Variants in GLYATL3 observed in about 807,000 individuals in gnomAD.
The protein encoded by GLYATL3 is glycine-N-acyltransferase like 3.
A neutral mutation model predicts 28.5 loss-of-function variants in GLYATL3; 31 were observed. The observed-to-expected ratio is 1.09, with a 90% CI of 0.82 to 1.47. The LOEUF is 1.47. Among genes scored for constraint, GLYATL3 ranks in the 40% most tolerant of loss-of-function variants. The pLI is 0.00. For synonymous variants in GLYATL3, 141 were observed against 140.2 expected, an observed-to-expected ratio of 1.01 and a Z score of -0.04; for missense variants, 369 against 351.5, an observed-to-expected ratio of 1.05 and a Z score of -0.40.
intron 1 of GLYATL3, among the ~76,000 whole-genome samples, chr6:49,504,226 CTTTTTTTCTTTTTCT>C (rs1768968112): frequency 9.7e-6 from 1 of 103,006 alleles, no homozygotes; most frequent in African/African-American, 3.3e-5. Context: ...TTTTTCTTTT[CTTTTTTTCTTTTTCT>C]TTTTTTTTTT....
At chr6:49,507,862 TAA>T (rs1487581110) in intron 1 of GLYATL3, among the ~76,000 whole-genome samples, 1 of 152,146 alleles carries the variant, frequency 6.6e-6, no homozygotes, top group African/African-American at 2.4e-5. Context: ...CATTTCTTAT[TAA>T]GTTTAGTGAG....
chr6:49,515,511 GTGTC>G, intron 2 of GLYATL3, 138 bp from the exon 3 acceptor site: 1 of 503,942 alleles, frequency 2.0e-6, no homozygotes, highest in Non-Finnish European at 3.6e-6. Flanking sequence ...TGTCTATTAT[GTGTC>G]TGAATGTATG....
chr6:49,519,483 T>C lies in GLYATL3; in HGVS notation c.313+1927T>C, dbSNP rs149328447. Among the ~76,000 whole-genome samples, 42 of 152,358 alleles carry C rather than the reference T, an allele frequency of 2.8e-4. No homozygotes were observed. The East Asian group carries it at 6.8e-3, about 24-fold the overall frequency. On this transcript the variant is annotated intron_variant, in intron 4 of 5. Transcript: ENST00000371197. ...AATAGCTGTAATGTTCTTGGAATAC[T>C]GAATACCTTCTAAGAAGTCATTGGT...
chr6:49,505,562 T>C (rs1324375241), intron 1 of GLYATL3, among the ~76,000 whole-genome samples: 1 of 152,234 alleles, frequency 6.6e-6, no homozygotes, highest in Non-Finnish European at 1.5e-5. Flanking sequence ...ATCCAGGAAG[T>C]ATTTCCTAGA....
chr6:49,519,909 C>T (rs916401015), intron 4 of GLYATL3, among the ~76,000 whole-genome samples: 3 of 152,122 alleles, frequency 2.0e-5, no homozygotes, highest in Non-Finnish European at 2.9e-5. Flanking sequence ...GTTGCACTGA[C>T]GTGAAAAAGA....
At position 49,526,590 on chromosome 6, in the gene GLYATL3, C is replaced by T. The variant is rs2127241930; in HGVS notation, c.543C>T (p.Ile181=). Residue 181 remains isoleucine (I), a synonymous_variant, in exon 6 of 6, where the codon ATC becomes ATT. Coordinates refer to ENST00000371197, the MANE Select transcript of GLYATL3 (RefSeq NM_001010904.2). ...RGGNEQCLRY[I]ANLISCFPSV... ...GCAATGAACAATGTCTCCGGTACATCGCCAACCTCATCTCCTGCTTCCCTA... is the reference window on the plus strand; with the variant it reads ...GCAATGAACAATGTCTCCGGTACATTGCCAACCTCATCTCCTGCTTCCCTA... 3 of 1,551,936 alleles carry T rather than the reference C, an allele frequency of 1.9e-6. No homozygotes were observed. The highest frequency in any genetic ancestry group is 2.4e-5 in the East Asian group (1 of 40,912).
intron 5 of GLYATL3, among the ~76,000 whole-genome samples, chr6:49,525,366 G>C (rs915734591): frequency 1.3e-5 from 2 of 151,690 alleles, no homozygotes; most frequent in African/African-American, 2.4e-5. Context: ...AGCAGTTGGA[G>C]GCCAGCCTAG....
intron 1 of GLYATL3, among the ~76,000 whole-genome samples, chr6:49,507,842 A>G (rs1056472169): frequency 1.3e-5 from 2 of 152,204 alleles, no homozygotes; most frequent in African/African-American, 4.8e-5. Flanking sequence ...CAATGCACTG[A>G]ATATACCAGC....
intron 1 of GLYATL3, among the ~76,000 whole-genome samples, chr6:49,511,061 A>G (rs1466996092): frequency 6.6e-6 from 1 of 152,180 alleles, no homozygotes; most frequent in African/African-American, 2.4e-5. Context: ...ACAACCCCAG[A>G]GGCACCATGT....
At chr6:49,509,192 T>G (rs1459365306) in intron 1 of GLYATL3, among the ~76,000 whole-genome samples, 2 of 152,142 alleles carry the variant, frequency 1.3e-5, no homozygotes, top group Non-Finnish European at 2.9e-5. Context: ...CAAGTACAAT[T>G]GATTCTCATT....
At chr6:49,512,649 TA>T (rs1283591928) in intron 2 of GLYATL3, among the ~76,000 whole-genome samples, 1 of 152,238 alleles carries the variant, frequency 6.6e-6, no homozygotes, top group Non-Finnish European at 1.5e-5. Flanking sequence ...GATCTTGTTA[TA>T]AATGCAGTGA....
At chr6:49,502,305 G>T (rs1187309403) in intron 1 of GLYATL3, among the ~76,000 whole-genome samples, 1 of 152,156 alleles carries the variant, frequency 6.6e-6, no homozygotes, top group African/African-American at 2.4e-5. Flanking sequence ...ATTGAATGGG[G>T]TTGAGATTAG....
intron 1 of GLYATL3, among the ~76,000 whole-genome samples, chr6:49,506,595 T>C (rs1195764301): frequency 2.0e-5 from 3 of 152,170 alleles, no homozygotes; most frequent in Non-Finnish European, 2.9e-5. Flanking sequence ...TACCAGATTG[T>C]AATGCCCCCA....
At chr6:49,501,575 A>G (rs1310376300) in intron 1 of GLYATL3, among the ~76,000 whole-genome samples, 5 of 152,224 alleles carry the variant, frequency 3.3e-5, no homozygotes, top group Admixed American at 2.0e-4. Context: ...AATTTACAAT[A>G]TAGTGTGTGC....
chr6:49,522,651 T>G (rs1011617497), intron 5 of GLYATL3, among the ~76,000 whole-genome samples: 1 of 152,150 alleles, frequency 6.6e-6, no homozygotes, highest in East Asian at 1.9e-4. Flanking sequence ...TGAAGCAAGA[T>G]AGTTAAAAAT....
rs140094889 is a variant in GLYATL3 at position 49,516,476 on chromosome 6, C to T, written c.186+716C>T. Among the ~76,000 whole-genome samples, 1,099 of 152,074 alleles carry T rather than the reference C, an allele frequency of 7.2e-3. 17 individuals are homozygous for T. Among genetic ancestry groups the T allele is most frequent in the African/African-American group, 0.025 (1,042 of 41,468 alleles). ...AGAAGAGTGAAGACAACATCTGCCC[C>T]GAGACCAAGGAGAAGCTCATGTGGC... On this transcript the variant is annotated intron_variant, in intron 3 of 5. Transcript: ENST00000371197.
In GLYATL3 at chr6:49,527,632, T is replaced by C. The variant is rs1489596611; in HGVS notation, c.*718T>C. 6.6e-6 allele frequency among the ~76,000 whole-genome samples: 1 copy of C among 152,198 alleles called. No individual in the cohort carries two copies. The highest frequency in any genetic ancestry group is 1.5e-5 in the Non-Finnish European group (1 of 68,040). ...CCACTGCTTATTTGCCTTGGATGAA[T>C]GACAATATGGGCATTTTGATGCTAT... is the stretch of plus-strand genomic sequence containing the variant. On this transcript the variant is annotated 3_prime_UTR_variant, in exon 6 of 6. Coordinates refer to ENST00000371197, the MANE Select transcript of GLYATL3 (RefSeq NM_001010904.2).
intron 5 of GLYATL3, 29 bp downstream of exon 5, chr6:49,521,800 G>A (rs1769321514): frequency 6.5e-7 from 1 of 1,545,642 alleles, no homozygotes; most frequent in Admixed American, 2.0e-5. Flanking sequence ...TGCATTTGGG[G>A]CAGGACTTAC....
At chr6:49,505,080 T>C (rs141228470) in intron 1 of GLYATL3, among the ~76,000 whole-genome samples, 38 of 152,328 alleles carry the variant, frequency 2.5e-4, no homozygotes, top group African/African-American at 8.9e-4. Flanking sequence ...AATATTTATG[T>C]TTAAGACCTG....
Sources: gnomAD v4.1 joint callset for allele counts (sites outside exome capture counted in the v4.1 genomes callset) on GRCh38, gnomAD v4.1.1 for gene constraint, MANE v1.5 for transcripts, NCBI Gene and HGNC (gene_info 2026-07-23, HGNC 2026-07-21) for gene names.